The following RBFOX1 variants were observed in gnomAD, a reference collection of about 807,000 sequenced individuals.
RBFOX1 encodes the protein RNA binding protein fox-1 homolog 1.
Under a neutral mutation model 57.7 loss-of-function variants are expected in RBFOX1, and 8 were observed. The observed-to-expected ratio is 0.14, with a 90% CI of 0.08 to 0.25. RBFOX1 has a LOEUF of 0.25. RBFOX1 is among the 10% of genes least tolerant of loss of function. The probability of loss-of-function intolerance (pLI) is 1.00; values close to 1 mark genes in which losing one functional copy is unlikely to be tolerated. For missense variants in RBFOX1, 611 were observed against 548.5 expected (o/e 1.11, Z -1.14); for synonymous variants, 326 against 222.4 (o/e 1.47, Z -4.15).
intron 3 of RBFOX1, among the ~76,000 whole-genome samples, chr16:6,949,986 G>A (rs149985950): frequency 8.6e-5 from 13 of 150,420 alleles, no homozygotes; most frequent in Non-Finnish European, 1.5e-4. Flanking sequence ...TTGCTCTGTT[G>A]CCCAGGCTGG....
intron 2 of RBFOX1, among the ~76,000 whole-genome samples, chr16:6,382,552 A>G (rs2091912293): frequency 2.0e-5 from 3 of 152,170 alleles, no homozygotes; most frequent in Admixed American, 2.0e-4. Flanking sequence ...GCCTAGCTTC[A>G]TTAAGGGATG....
chr16:5,753,251 C>T (rs1211713896), intron 3 of RBFOX1, among the ~76,000 whole-genome samples: 1 of 151,892 alleles, frequency 6.6e-6, no homozygotes, highest in Non-Finnish European at 1.5e-5. Flanking sequence ...CCTCATAATG[C>T]ACTCATTAAA....
intron 7 of RBFOX1, among the ~76,000 whole-genome samples, chr16:7,593,432 C>T (rs1333279286): frequency 6.6e-6 from 1 of 152,068 alleles, no homozygotes; most frequent in Non-Finnish European, 1.5e-5. Context: ...TATTTGCATA[C>T]CCAATATGGG....
chr16:6,986,996 T>G (rs1346879074), intron 3 of RBFOX1, among the ~76,000 whole-genome samples: 1 of 152,138 alleles, frequency 6.6e-6, no homozygotes, highest in Non-Finnish European at 1.5e-5. Flanking sequence ...TGCCAGGGTT[T>G]GTTGGTTAGT....
At chr16:5,530,026 C>G (rs1015331059) in intron 2 of RBFOX1, among the ~76,000 whole-genome samples, 1 of 152,116 alleles carries the variant, frequency 6.6e-6, no homozygotes, top group African/African-American at 2.4e-5. Context: ...AGGAACCAAC[C>G]ATGCAGACAC....
Position 6,963,023 on chromosome 16 carries a change from C to A in RBFOX1, c.-15-89034C>A, listed in dbSNP as rs1352812606. Reference sequence around the variant, plus strand: ...CCCAGCCAAGAATCAGCTCTGTAAACCTTGGATTTGAAACACAGTCACTGT... The same window carrying A: ...CCCAGCCAAGAATCAGCTCTGTAAAACTTGGATTTGAAACACAGTCACTGT... On this transcript the variant is annotated intron_variant, in intron 3 of 15. Coordinates refer to ENST00000550418, the MANE Select transcript of RBFOX1 (RefSeq NM_018723.4). Among the ~76,000 whole-genome samples the A allele has an allele frequency of 2.6e-5, 4 of 152,228 alleles. No individual in the cohort carries two copies. In the East Asian group the frequency reaches 7.7e-4, roughly 29 times the overall value.
At chr16:7,362,488 T>C (rs1455552527) in intron 4 of RBFOX1, among the ~76,000 whole-genome samples, 2 of 149,798 alleles carry the variant, frequency 1.3e-5, no homozygotes, top group African/African-American at 5.1e-5. Context: ...GTGTTTTGTG[T>C]ATATGTTAGT....
chr16:6,885,177 T>G (rs897340706), intron 3 of RBFOX1, among the ~76,000 whole-genome samples: 2 of 152,128 alleles, frequency 1.3e-5, no homozygotes, highest in African/African-American at 4.8e-5. Context: ...TCCCAGGTAG[T>G]AATTCCCAAT....
chr16:6,373,395 T>C (rs1263642762), intron 2 of RBFOX1, among the ~76,000 whole-genome samples: 4 of 148,048 alleles, frequency 2.7e-5, no homozygotes, highest in Non-Finnish European at 5.9e-5. Context: ...GATCACTGGG[T>C]AGGAGCATTG....
chr16:6,830,066 A>G (rs2092594487), intron 3 of RBFOX1, among the ~76,000 whole-genome samples: 2 of 151,652 alleles, frequency 1.3e-5, no homozygotes, highest in African/African-American at 2.4e-5. Context: ...ACAGGCACAC[A>G]CCACCAAGCC....
chr16:7,443,210 T>A (rs921191113), intron 4 of RBFOX1, among the ~76,000 whole-genome samples: 2 of 152,156 alleles, frequency 1.3e-5, no homozygotes, highest in East Asian at 3.9e-4. Flanking sequence ...ACCACCTTTT[T>A]TTTAAATATT....
chr16:6,061,789 C>A (rs2095689437), intron 1 of RBFOX1, among the ~76,000 whole-genome samples: 1 of 152,142 alleles, frequency 6.6e-6, no homozygotes, highest in East Asian at 1.9e-4. Flanking sequence ...GCAGGGTTTT[C>A]CCCATCAACA....
At chr16:7,500,291 A>G (rs1025581787) in intron 4 of RBFOX1, among the ~76,000 whole-genome samples, 1 of 152,208 alleles carries the variant, frequency 6.6e-6, no homozygotes, top group African/African-American at 2.4e-5. Context: ...TTTGGTTTCA[A>G]TTCTGTGAAC....
chr16:6,577,940 G>T (rs938217636), intron 2 of RBFOX1, among the ~76,000 whole-genome samples: 1 of 152,236 alleles, frequency 6.6e-6, no homozygotes, highest in Non-Finnish European at 1.5e-5. Context: ...CTGGGATTCA[G>T]AGAGCTTCAG....
intron 3 of RBFOX1, among the ~76,000 whole-genome samples, chr16:6,926,851 C>T (rs866387456): frequency 6.6e-6 from 1 of 152,100 alleles, no homozygotes; most frequent in African/African-American, 2.4e-5. Flanking sequence ...TAAACATCCA[C>T]GTGACTCTTT....
intron 1 of RBFOX1, among the ~76,000 whole-genome samples, chr16:6,152,117 A>T (rs2096801684): frequency 6.6e-6 from 1 of 152,236 alleles, no homozygotes; most frequent in African/African-American, 2.4e-5. Flanking sequence ...CTAGGTATCC[A>T]TCAAAGCTGA....
intron 3 of RBFOX1, among the ~76,000 whole-genome samples, chr16:6,852,756 C>G (rs536681565): frequency 6.6e-6 from 1 of 152,080 alleles, no homozygotes; most frequent in African/African-American, 2.4e-5. Context: ...GAGATGCATG[C>G]TGGGAACTAG....
intron 1 of RBFOX1, among the ~76,000 whole-genome samples, chr16:6,201,159 A>G (rs952917190): frequency 2.0e-5 from 3 of 152,156 alleles, no homozygotes; most frequent in Admixed American, 1.3e-4. Flanking sequence ...TAGCTGAATA[A>G]TATTCCATTG....
At chr16:6,951,403 G>A (rs540743366) in intron 3 of RBFOX1, among the ~76,000 whole-genome samples, 25 of 152,146 alleles carry the variant, frequency 1.6e-4, no homozygotes, top group African/African-American at 5.5e-4. Context: ...AAACAATAAC[G>A]TACATTTATT....
Sources: allele counts gnomAD v4.1 joint callset (sites outside exome capture counted in the v4.1 genomes callset), GRCh38; gene constraint gnomAD v4.1.1; transcripts MANE v1.5; gene names NCBI Gene and HGNC (gene_info 2026-07-23, HGNC 2026-07-21).